NUDT3: variants seen among roughly 807,000 people sequenced by gnomAD.
The protein encoded by NUDT3 is diphosphoinositol polyphosphate phosphohydrolase 1.
In NUDT3, 9 loss-of-function variants were observed where a neutral mutation model predicts 23.6. The ratio of observed to expected loss-of-function variants is 0.38; its 90% CI spans 0.23 to 0.66. The LOEUF (loss-of-function observed/expected upper bound fraction) is 0.66, where lower values mean the gene tolerates loss of function less well. Ranked by LOEUF, NUDT3 falls within the 30% of genes least tolerant of loss-of-function variation. The pLI, the probability that NUDT3 is intolerant of heterozygous loss-of-function variation, is 0.52. For synonymous variants in NUDT3, 86 were observed against 82.6 expected (o/e 1.04, Z -0.22); for missense variants, 172 against 218.5 (o/e 0.79, Z 1.34).
chr6:34,306,707 C>A (rs1763683569), intron 2 of NUDT3, among the ~76,000 whole-genome samples: 1 of 152,198 alleles, frequency 6.6e-6, no homozygotes, highest in Non-Finnish European at 1.5e-5. Context: ...AGGGCATATT[C>A]TAATCTGTAC....
chr6:34,325,726 T>C (rs1050773620), intron 2 of NUDT3, among the ~76,000 whole-genome samples: 1 of 152,188 alleles, frequency 6.6e-6, no homozygotes, highest in Non-Finnish European at 1.5e-5. Context: ...TCACATATAA[T>C]GTACTAAGAC....
intron 1 of NUDT3, among the ~76,000 whole-genome samples, chr6:34,355,919 T>C (rs540247292): frequency 5.3e-5 from 8 of 152,236 alleles, no homozygotes; most frequent in African/African-American, 1.7e-4. Flanking sequence ...CCTTCCCCCA[T>C]ACCTCCCCTA....
At chr6:34,350,755 C>T (rs1339113137) in intron 1 of NUDT3, among the ~76,000 whole-genome samples, 1 of 150,688 alleles carries the variant, frequency 6.6e-6, no homozygotes, top group Non-Finnish European at 1.5e-5. Context: ...AACCCCTAGA[C>T]ATAAACAGTC....
chr6:34,380,084 T>C (rs916893569), intron 1 of NUDT3, among the ~76,000 whole-genome samples: 1 of 152,114 alleles, frequency 6.6e-6, no homozygotes, highest in Non-Finnish European at 1.5e-5. Context: ...ATCTATTTAT[T>C]TATTTATTTA....
At position 34,383,724 on chromosome 6, in the gene NUDT3, A is replaced by G. The variant is rs192036308; in HGVS notation, c.99+8540T>C. On this transcript the variant is annotated intron_variant, in intron 1 of 4. Coordinates refer to ENST00000607016, the MANE Select transcript of NUDT3 (RefSeq NM_006703.4). ...TTGAGAAATGAGAATTAAAGCAGAAACAAAGAAGTAGGATTGGGGCAAAGA... is the reference window on the plus strand; with the variant it reads ...TTGAGAAATGAGAATTAAAGCAGAAGCAAAGAAGTAGGATTGGGGCAAAGA... Among the ~76,000 whole-genome samples the G allele has an allele frequency of 9.2e-3, 1,398 of 152,306 alleles. 15 individuals are homozygous for G. Among genetic ancestry groups the G allele is most frequent in the Middle Eastern group, 0.024 (7 of 294 alleles).
intron 1 of NUDT3, among the ~76,000 whole-genome samples, chr6:34,351,224 A>AAAAAAAAAAAAC (rs1374203552): frequency 3.7e-5 from 5 of 136,350 alleles, no homozygotes; most frequent in South Asian, 2.4e-4. Flanking sequence ...AAAAAAAAAA[A>AAAAAAAAAAAAC]AACACTTTGG....
intron 2 of NUDT3, among the ~76,000 whole-genome samples, chr6:34,330,838 G>A (rs1345804939): frequency 6.6e-6 from 1 of 152,096 alleles, no homozygotes; most frequent in Non-Finnish European, 1.5e-5. Context: ...AAATACAAAT[G>A]GAATCAAGAG....
At position 34,357,082 on chromosome 6, in the gene NUDT3, G is replaced by T. The variant is rs1033446334; in HGVS notation, c.100-15110C>A. ...GTGAACCACCACGCCCGGCCAAATT[G>T]TGGTTATTTTTTAAAGACAGTATTC... is the stretch of plus-strand genomic sequence containing the variant. On this transcript the variant is annotated intron_variant, in intron 1 of 4. Transcript: ENST00000607016. 3.3e-5 allele frequency among the ~76,000 whole-genome samples: 5 copies of T among 152,042 alleles called. No individual in the cohort carries two copies. In the South Asian group the frequency reaches 1.0e-3, roughly 32 times the overall value.
chr6:34,340,338 G>A (rs1764269528), intron 2 of NUDT3, among the ~76,000 whole-genome samples: 6 of 152,148 alleles, frequency 3.9e-5, no homozygotes, highest in Admixed American at 3.9e-4. Flanking sequence ...CATCCTAAGT[G>A]GTAGAGTGAT....
chr6:34,314,875 G>T (rs1341389206), intron 2 of NUDT3, among the ~76,000 whole-genome samples: 1 of 152,080 alleles, frequency 6.6e-6, no homozygotes, highest in African/African-American at 2.4e-5. Context: ...CTATGCTCCG[G>T]ACAAGAAAAT....
At chr6:34,379,212 T>C (rs1764973202) in intron 1 of NUDT3, among the ~76,000 whole-genome samples, 1 of 152,036 alleles carries the variant, frequency 6.6e-6, no homozygotes, top group South Asian at 2.1e-4. Context: ...ATTTGCTAAA[T>C]GTGTGACATA....
intron 2 of NUDT3, among the ~76,000 whole-genome samples, chr6:34,299,878 G>A (rs978513723): frequency 6.6e-6 from 1 of 151,064 alleles, no homozygotes; most frequent in African/African-American, 2.4e-5. Flanking sequence ...ACTCCAGCCT[G>A]GGTGACACAG....
In NUDT3 at chr6:34,282,188, G is replaced by A. The variant is rs999858906; in HGVS notation, c.*6565C>T. 3 of 152,128 alleles carry A rather than the reference G, an allele frequency of 2.0e-5. No individual in the cohort carries two copies. The highest frequency in any genetic ancestry group is 7.2e-5 in the African/African-American group (3 of 41,418). 9.4% of individuals were successfully genotyped at this position (152,128 alleles called of 1,614,324 possible). A position where few individuals can be genotyped will look rare whatever the true frequency, so the allele number is the denominator to read the frequency against. The stretch of plus-strand genomic sequence containing the variant: ...TTCTCCACAACAAAGGGAGGTTAAA[G>A]ACAAAGGTTTAACCTGAGAAACTTT... On this transcript the variant is annotated 3_prime_UTR_variant, in exon 5 of 5. Coordinates refer to ENST00000607016, the MANE Select transcript of NUDT3 (RefSeq NM_006703.4).
At chr6:34,340,418 T>C (rs925327707) in intron 2 of NUDT3, among the ~76,000 whole-genome samples, 6 of 152,180 alleles carry the variant, frequency 3.9e-5, no homozygotes, top group African/African-American at 9.6e-5. Flanking sequence ...CCTCCCTCCA[T>C]GATGGAGTAA....
intron 1 of NUDT3, among the ~76,000 whole-genome samples, chr6:34,385,887 T>C (rs567300106): frequency 8.5e-5 from 13 of 152,276 alleles, no homozygotes; most frequent in African/African-American, 3.1e-4. Context: ...TTTCACCATG[T>C]TGCCTAGGTT....
In NUDT3 at chr6:34,281,977, C is replaced by T. The variant is rs1763285276; in HGVS notation, c.*6776G>A. The T allele has an allele frequency of 6.6e-6, 1 of 152,218 alleles. No homozygotes were observed. Among genetic ancestry groups the T allele is most frequent in the Non-Finnish European group, 1.5e-5 (1 of 68,046 alleles). 9.4% of individuals were successfully genotyped at this position (152,218 alleles called of 1,614,324 possible). On this transcript the variant is annotated 3_prime_UTR_variant, in exon 5 of 5. Coordinates refer to ENST00000607016, the MANE Select transcript of NUDT3 (RefSeq NM_006703.4). ...CCTTTTTACTTCAGCACTTTGGAAACTCTCCAAGACTTAACTTCCGATCTG... is the reference window on the plus strand; with the variant it reads ...CCTTTTTACTTCAGCACTTTGGAAATTCTCCAAGACTTAACTTCCGATCTG...
chr6:34,326,408 TA>T (rs1415327577), intron 2 of NUDT3, among the ~76,000 whole-genome samples: 2 of 152,244 alleles, frequency 1.3e-5, no homozygotes, highest in African/African-American at 4.8e-5. Flanking sequence ...AAAATAAAGT[TA>T]AAATTCGGAA....
chr6:34,288,918 T>G lies in NUDT3; in HGVS notation c.354A>C (p.Glu118Asp). ...EDSVNIGRKR[E>D]WFKIEDAIKV... ...TTATGGCGTCTTCTATTTTAAACCATTCCCTCTTCCTTCCTGTGGAGGCAG... is the reference window on the plus strand; with the variant it reads ...TTATGGCGTCTTCTATTTTAAACCAGTCCCTCTTCCTTCCTGTGGAGGCAG... Residue 118 changes from glutamate (E) to aspartate (D), a missense_variant, in exon 5 of 5, where the codon GAA becomes GAC. Coordinates refer to ENST00000607016, the MANE Select transcript of NUDT3 (RefSeq NM_006703.4). 1 of 1,610,180 alleles carries G rather than the reference T, an allele frequency of 6.2e-7. No individual in the cohort carries two copies. Among genetic ancestry groups the G allele is most frequent in the Non-Finnish European group, 8.5e-7 (1 of 1,178,660 alleles).
intron 2 of NUDT3, among the ~76,000 whole-genome samples, chr6:34,337,081 C>T (rs1393996496): frequency 6.6e-6 from 1 of 152,174 alleles, no homozygotes; most frequent in African/African-American, 2.4e-5. Context: ...TTGATGGAAG[C>T]CACTGAACTG....
Sources: gnomAD v4.1 joint callset for allele counts (sites outside exome capture counted in the v4.1 genomes callset) on GRCh38, gnomAD v4.1.1 for gene constraint, MANE v1.5 for transcripts, NCBI Gene and HGNC (gene_info 2026-07-23, HGNC 2026-07-21) for gene names.